THUMPD3: variants seen among roughly 807,000 people sequenced by gnomAD.
THUMPD3 encodes the protein tRNA (guanine(6)-N(2))-methyltransferase THUMP3.
THUMPD3 carries 44 observed loss-of-function variants against 54.5 expected under a neutral mutation model. The observed-to-expected ratio is 0.81, with a 90% CI of 0.63 to 1.04. The LOEUF (loss-of-function observed/expected upper bound fraction) is 1.04. THUMPD3 is among the 50% of genes least tolerant of loss of function. The probability of loss-of-function intolerance (pLI) is 0.00; values close to 1 mark genes in which losing one functional copy is unlikely to be tolerated. For missense variants in THUMPD3, 604 were observed against 601.3 expected, an observed-to-expected ratio of 1.00 and a Z score of -0.05; for synonymous variants, 196 against 201.4, an observed-to-expected ratio of 0.97 and a Z score of 0.23.
intron 7 of THUMPD3, among the ~76,000 whole-genome samples, chr3:9,381,673 C>T (rs138835191): frequency 0.023 from 2,928 of 125,924 alleles, 87 homozygotes; most frequent in Admixed American, 0.092. Flanking sequence ...TTAATTAAAA[C>T]TGATAAACAT....
At chr3:9,372,735 G>A (rs1043253447) in intron 4 of THUMPD3, among the ~76,000 whole-genome samples, 5 of 151,858 alleles carry the variant, frequency 3.3e-5, no homozygotes, top group African/African-American at 1.2e-4. Context: ...ACTTTCCTTG[G>A]TCTTAATCCT....
intron 4 of THUMPD3, 41 bp downstream of exon 4, chr3:9,371,577 C>T: frequency 2.7e-6 from 4 of 1,496,478 alleles, no homozygotes; most frequent in Non-Finnish European, 3.7e-6. Context: ...AGAATGCTGT[C>T]ACAGATTTGT....
Position 9,364,440 on chromosome 3 carries a change from G to A in THUMPD3, c.-53-576G>A, listed in dbSNP as rs529990579. 5.9e-5 allele frequency among the ~76,000 whole-genome samples: 9 copies of A among 151,940 alleles called. No individual in the cohort carries two copies. The South Asian group carries it at 1.0e-3, about 18-fold the overall frequency. On this transcript the variant is annotated intron_variant, in intron 1 of 9. Coordinates refer to ENST00000452837, the MANE Select transcript of THUMPD3 (RefSeq NM_001114092.2). ...CAGCTCACTGCAATCTCCACCTCCC[G>A]GATTCAAGCAATTCTCCTCCCTCAG... is the stretch of plus-strand genomic sequence containing the variant.
At chr3:9,369,653 G>C (rs935415229) in intron 3 of THUMPD3, among the ~76,000 whole-genome samples, 4 of 152,100 alleles carry the variant, frequency 2.6e-5, no homozygotes, top group African/African-American at 4.8e-5. Context: ...CCATTGTTTG[G>C]CTGTATAATA....
intron 1 of THUMPD3, among the ~76,000 whole-genome samples, chr3:9,364,767 G>A (rs2031366705): frequency 6.6e-6 from 1 of 152,270 alleles, no homozygotes; most frequent in Admixed American, 6.5e-5. Context: ...TTACCCCAAA[G>A]CAAACATTGC....
At position 9,383,002 on chromosome 3, in the gene THUMPD3, T is replaced by C; in HGVS notation, c.1125-197T>C. 4 of 461,586 alleles carry C rather than the reference T, an allele frequency of 8.7e-6. 1 individual carries two copies. Among genetic ancestry groups the C allele is most frequent in the Non-Finnish European group, 1.6e-5 (4 of 251,856 alleles). 28.6% of individuals were successfully genotyped at this position (461,586 alleles called of 1,614,324 possible). A position where few individuals can be genotyped will look rare whatever the true frequency, so the allele number is the denominator to read the frequency against. On this transcript the variant is annotated intron_variant, in intron 7 of 9. Coordinates refer to ENST00000452837, the MANE Select transcript of THUMPD3 (RefSeq NM_001114092.2). Reference sequence around the variant, plus strand: ...CCTCAGCCCCTGAAAGTGCTGATTATAGGCACAAGCTACCATGCCCAGCCT... The same window carrying C: ...CCTCAGCCCCTGAAAGTGCTGATTACAGGCACAAGCTACCATGCCCAGCCT...
At position 9,384,345 on chromosome 3, in the gene THUMPD3, A is replaced by G; in HGVS notation, c.1359+10A>G. ...AAAATGCTTTACCAAGGTGCTATAC[A>G]CATTAGCTCAAAATCGCAGCCTGTG... is the stretch of plus-strand genomic sequence containing the variant. On this transcript the variant is annotated intron_variant, in intron 9 of 9. Coordinates refer to ENST00000452837, the MANE Select transcript of THUMPD3 (RefSeq NM_001114092.2). 1 of 1,604,284 alleles carries G rather than the reference A, an allele frequency of 6.2e-7. No individual in the cohort carries two copies. The highest frequency in any genetic ancestry group is 8.5e-7 in the Non-Finnish European group (1 of 1,175,662).
chr3:9,379,366 T>A (rs1195517172), intron 6 of THUMPD3, among the ~76,000 whole-genome samples: 1 of 152,312 alleles, frequency 6.6e-6, no homozygotes, highest in Admixed American at 6.5e-5. Context: ...GGGTATGTTA[T>A]CACCCTCAAG....
intron 5 of THUMPD3, among the ~76,000 whole-genome samples, chr3:9,377,361 A>G (rs1358125124): frequency 6.6e-6 from 1 of 152,148 alleles, no homozygotes; most frequent in Admixed American, 6.5e-5. Context: ...ACATATCATT[A>G]TAAATTGATT....
At position 9,386,671 on chromosome 3, in the gene THUMPD3, A is replaced by G. The variant is rs965604837; in HGVS notation, c.*1983A>G. The G allele has an allele frequency of 3.3e-5, 5 of 152,068 alleles. No homozygotes were observed. Among genetic ancestry groups the G allele is most frequent in the Non-Finnish European group, 7.3e-5 (5 of 68,036 alleles). The allele number at this position is 152,068 out of a possible 1,614,324, so 9.4% of individuals were successfully genotyped here. On this transcript the variant is annotated 3_prime_UTR_variant, in exon 10 of 10. Coordinates refer to ENST00000452837, the MANE Select transcript of THUMPD3 (RefSeq NM_001114092.2). ...GCAGGATTCATAAGGCCTGGAGCTG[A>G]GTTATATGTGACACTGCCACCTATT... is the stretch of plus-strand genomic sequence containing the variant.
At chr3:9,374,140 C>T (rs1156741017) in intron 4 of THUMPD3, among the ~76,000 whole-genome samples, 1 of 152,162 alleles carries the variant, frequency 6.6e-6, no homozygotes, top group Non-Finnish European at 1.5e-5. Flanking sequence ...TTTTGAACTT[C>T]ATATAAATGA....
intron 7 of THUMPD3, 58 bp downstream of exon 7, chr3:9,380,676 T>C: frequency 7.8e-7 from 1 of 1,277,782 alleles, no homozygotes; most frequent in South Asian, 1.3e-5. Flanking sequence ...CTTTTTATAT[T>C]GACTTTATGA....
intron 3 of THUMPD3, 83 bp downstream of exon 3, chr3:9,367,068 T>A: frequency 9.0e-7 from 1 of 1,117,234 alleles, no homozygotes; most frequent in Non-Finnish European, 1.3e-6. Flanking sequence ...CTGTGAAAGT[T>A]TAGCATTACT....
At chr3:9,381,453 C>G (rs1204094651) in intron 7 of THUMPD3, among the ~76,000 whole-genome samples, 1 of 152,190 alleles carries the variant, frequency 6.6e-6, no homozygotes, top group Non-Finnish European at 1.5e-5. Context: ...ACCTAAGAGT[C>G]TGCATTTTCC....
intron 5 of THUMPD3, 59 bp downstream of exon 5, chr3:9,374,705 C>A: frequency 6.3e-7 from 1 of 1,587,642 alleles, no homozygotes; most frequent in Non-Finnish European, 8.6e-7. Context: ...ATGTTCCCTT[C>A]AAAATACTGA....
chr3:9,371,687 A>G (rs1015617219), intron 4 of THUMPD3, 151 bp downstream of exon 4: 8 of 724,060 alleles, frequency 1.1e-5, no homozygotes, highest in Admixed American at 4.9e-5. Flanking sequence ...TTTAGATCCA[A>G]ATTTTAACTC....
At chr3:9,384,075 T>C (rs1034121550) in intron 8 of THUMPD3, 137 bp from the exon 9 acceptor site, 2 of 1,064,906 alleles carry the variant, frequency 1.9e-6, no homozygotes, top group African/African-American at 1.6e-5. Flanking sequence ...TTCATAGACA[T>C]GTAATGGCAA....
rs2033299449 is a variant in THUMPD3 at position 9,385,946 on chromosome 3, T to A, written c.*1258T>A. The A allele has an allele frequency of 6.6e-6, 1 of 152,164 alleles. No homozygotes were observed. Among genetic ancestry groups the A allele is most frequent in the Admixed American group, 6.5e-5 (1 of 15,276 alleles). The allele number at this position is 152,164 out of a possible 1,614,324, so 9.4% of individuals were successfully genotyped here. On this transcript the variant is annotated 3_prime_UTR_variant, in exon 10 of 10. Coordinates refer to ENST00000452837, the MANE Select transcript of THUMPD3 (RefSeq NM_001114092.2). ...TCCCTGGAACAAAGAGTAGTTGAGGTTTTTTTGTGGAACTCATCATAGTAT... is the reference window on the plus strand; with the variant it reads ...TCCCTGGAACAAAGAGTAGTTGAGGATTTTTTGTGGAACTCATCATAGTAT...
Position 9,384,579 on chromosome 3 carries a change from T to C in THUMPD3, c.1415T>C (p.Val472Ala), listed in dbSNP as rs750726712. 4 of 1,614,170 alleles carry C rather than the reference T, an allele frequency of 2.5e-6. No individual in the cohort carries two copies. Among genetic ancestry groups the C allele is most frequent in the East Asian group, 2.2e-5 (1 of 44,886 alleles). ...WRKVDTVWVN[V>A]GGLRAAVYVL... ...AAGGTGGATACAGTCTGGGTGAACGTTGGTGGTCTTCGTGCTGCAGTTTAC... is the reference window on the plus strand; with the variant it reads ...AAGGTGGATACAGTCTGGGTGAACGCTGGTGGTCTTCGTGCTGCAGTTTAC... The change falls in exon 10 of 10, where the codon GTT (valine) becomes GCT (alanine). Residue 472 changes from valine to alanine, a missense_variant. Transcript: ENST00000452837.
Sources: gnomAD v4.1 joint callset for allele counts (sites outside exome capture counted in the v4.1 genomes callset) on GRCh38, gnomAD v4.1.1 for gene constraint, MANE v1.5 for transcripts, NCBI Gene and HGNC (gene_info 2026-07-23, HGNC 2026-07-21) for gene names.